NMT2: variants seen among roughly 807,000 people sequenced by gnomAD.
NMT2 encodes the protein N-myristoyltransferase 2, also known as glycylpeptide N-tetradecanoyltransferase 2.
A neutral mutation model predicts 65.4 loss-of-function variants in NMT2; 35 were observed. The observed-to-expected ratio is 0.54, with a 90% confidence interval of 0.41 to 0.71. NMT2 has a LOEUF of 0.71. Ranked by LOEUF, NMT2 falls within the 30% of genes least tolerant of loss-of-function variation. The pLI is 0.00. For synonymous variants in NMT2, 226 were observed against 231.8 expected, an observed-to-expected ratio of 0.98 and a Z score of 0.23; for missense variants, 489 against 611.3, an observed-to-expected ratio of 0.80 and a Z score of 2.11.
chr10:15,161,215 G>C (rs1833185808), intron 1 of NMT2, among the ~76,000 whole-genome samples: 1 of 151,740 alleles, frequency 6.6e-6, no homozygotes, highest in Non-Finnish European at 1.5e-5. Flanking sequence ...GCACACCCAG[G>C]CTATGTATTA....
intron 9 of NMT2, among the ~76,000 whole-genome samples, chr10:15,114,284 A>C (rs1278518526): frequency 6.6e-6 from 1 of 152,208 alleles, no homozygotes; most frequent in East Asian, 1.9e-4. Context: ...CATTTTCATC[A>C]TCTGCTTTCA....
chr10:15,142,310 C>A (rs761981484), intron 1 of NMT2, among the ~76,000 whole-genome samples: 3 of 152,186 alleles, frequency 2.0e-5, no homozygotes, highest in South Asian at 2.1e-4. Context: ...GTAATCCCAG[C>A]ACTTTGGGAG....
At chr10:15,112,170 G>GGC in intron 10 of NMT2, among the ~76,000 whole-genome samples, 1 of 73,990 alleles carries the variant, frequency 1.4e-5, no homozygotes, top group Non-Finnish European at 2.5e-5. Flanking sequence ...CTAAGATATG[G>GGC]GCTTTATATA....
chr10:15,134,249 C>T (rs893365202), intron 3 of NMT2, among the ~76,000 whole-genome samples: 1 of 152,158 alleles, frequency 6.6e-6, no homozygotes, highest in African/African-American at 2.4e-5. Context: ...AGCTTCCCAA[C>T]ATGGTAGGAC....
intron 2 of NMT2, chr10:15,139,830 A>G (rs902111838): frequency 5.0e-4 from 73 of 145,192 alleles, no homozygotes; most frequent in Non-Finnish European, 9.5e-4. Context: ...AGAAAAAAGG[A>G]AATCCACAAA....
rs1845318199 is a variant in NMT2 at position 15,106,796 on chromosome 10, A to G, written c.*2399T>C. ...TTTGTAGTGTGAAGCAGCCATAGGC[A>G]ATATGTAAATGAAAGTGGCTGTGGC... On this transcript the variant is annotated 3_prime_UTR_variant, in exon 12 of 12. Transcript: ENST00000378165. 4 of 286,100 alleles carry G rather than the reference A, an allele frequency of 1.4e-5. No individual in the cohort carries two copies. The highest frequency in any genetic ancestry group is 2.1e-5 in the Non-Finnish European group (4 of 190,834). The allele number at this position is 286,100 out of a possible 1,614,324, so 17.7% of individuals were successfully genotyped here.
chr10:15,133,383 G>GA lies in NMT2; in HGVS notation c.392-21dup. On this transcript the variant is annotated intron_variant, in intron 3 of 11. Transcript: ENST00000378165. ...CTTCATCTGAACAGGGAGAGAAAGA[G>GA]AAAAAAGAAAGGCAAAAAGCGAGAA... 1 of 1,560,332 alleles carries GA rather than the reference G, an allele frequency of 6.4e-7. No individual in the cohort carries two copies. Among genetic ancestry groups the GA allele is most frequent in the Non-Finnish European group, 8.8e-7 (1 of 1,132,102 alleles).
In NMT2 at chr10:15,105,803, TAAGC is replaced by T. The variant is rs896115927; in HGVS notation, c.*3388_*3391del. Among the ~76,000 whole-genome samples the T allele has an allele frequency of 1.5e-4, 23 of 152,254 alleles. No homozygotes were observed. Among genetic ancestry groups the T allele is most frequent in the Admixed American group, 7.9e-4 (12 of 15,278 alleles). On this transcript the variant is annotated 3_prime_UTR_variant, in exon 12 of 12. Coordinates refer to ENST00000378165, the MANE Select transcript of NMT2 (RefSeq NM_004808.3). Reference sequence around the variant, plus strand: ...CAATTTAGTTTTAATAGCTACTTCATAAGCAAGCAGTTTAATTCTCGAAAATGTT... The same window carrying T: ...CAATTTAGTTTTAATAGCTACTTCATAAGCAGTTTAATTCTCGAAAATGTT...
At chr10:15,110,934 G>T (rs1424042023) in intron 10 of NMT2, among the ~76,000 whole-genome samples, 1 of 152,012 alleles carries the variant, frequency 6.6e-6, no homozygotes, top group East Asian at 1.9e-4. Context: ...GGCATTACAG[G>T]TGTGCACCTC....
At chr10:15,146,851 G>C (rs1385134846) in intron 1 of NMT2, among the ~76,000 whole-genome samples, 1 of 152,034 alleles carries the variant, frequency 6.6e-6, no homozygotes, top group Admixed American at 6.6e-5. Flanking sequence ...CCAGCACTTT[G>C]GGAGGCCAAA....
intron 8 of NMT2, among the ~76,000 whole-genome samples, chr10:15,121,410 C>T (rs1845926641): frequency 6.6e-6 from 1 of 152,198 alleles, no homozygotes; most frequent in African/African-American, 2.4e-5. Context: ...TCTTGTCACC[C>T]AGGCTGGAGT....
rs1227275415 is a variant in NMT2 at position 15,130,225 on chromosome 10, G to A, written c.807C>T (p.Ile269=). 1.2e-6 allele frequency: 2 copies of A among 1,609,456 alleles called. No homozygotes were observed. The highest frequency in any genetic ancestry group is 2.2e-5 in the East Asian group (1 of 44,756). ...TCCCTTCCAGGTTCACTCTTCTAGTGATCTCTCGGATTAGCACTGGGGCTA... is the reference window on the plus strand; with the variant it reads ...TCCCTTCCAGGTTCACTCTTCTAGTAATCTCTCGGATTAGCACTGGGGCTA... ...KRVAPVLIRE[I]TRRVNLEGIF... The change falls in exon 7 of 12, where the codon ATC becomes ATT. Residue 269 remains isoleucine, a synonymous_variant. Transcript: ENST00000378165.
intron 1 of NMT2, among the ~76,000 whole-genome samples, chr10:15,151,394 T>C (rs1045295493): frequency 1.3e-5 from 2 of 152,142 alleles, no homozygotes; most frequent in African/African-American, 4.8e-5. Flanking sequence ...AATTTTGGTG[T>C]CTACATCACA....
At chr10:15,158,573 C>T (rs774576370) in intron 1 of NMT2, among the ~76,000 whole-genome samples, 1 of 152,172 alleles carries the variant, frequency 6.6e-6, no homozygotes, top group African/African-American at 2.4e-5. Context: ...GTTACAAACA[C>T]ATGCAAGGTA....
intron 2 of NMT2, among the ~76,000 whole-genome samples, chr10:15,136,443 CAG>C (rs1405019685): frequency 7.9e-5 from 8 of 100,698 alleles, no homozygotes; most frequent in Non-Finnish European, 1.3e-4. Context: ...AGGAGAGGGA[CAG>C]GGGGAGGAGG....
intron 1 of NMT2, among the ~76,000 whole-genome samples, chr10:15,146,982 A>G (rs1051860026): frequency 6.6e-6 from 1 of 151,706 alleles, no homozygotes; most frequent in Non-Finnish European, 1.5e-5. Flanking sequence ...AGTCCCAGCT[A>G]CCTGGGAGGC....
In NMT2 at chr10:15,133,482, G is replaced by A. The variant is rs548175321; in HGVS notation, c.392-119C>T. ...GCAAAATCTGACTTAGGGCCCTCGG[G>A]TTTCAGATAATCTTTAAAAAGATGC... On this transcript the variant is annotated intron_variant, in intron 3 of 11. Coordinates refer to ENST00000378165, the MANE Select transcript of NMT2 (RefSeq NM_004808.3). 2.1e-5 allele frequency: 15 copies of A among 722,806 alleles called. No homozygotes were observed. The East Asian group carries it at 3.5e-4, about 17-fold the overall frequency. 44.8% of individuals were successfully genotyped at this position (722,806 alleles called of 1,614,324 possible).
Position 15,107,081 on chromosome 10 carries a change from C to T in NMT2, c.*2114G>A, listed in dbSNP as rs188239326. 3.2e-4 allele frequency among the ~76,000 whole-genome samples: 48 copies of T among 147,832 alleles called. No homozygotes were observed. The highest frequency in any genetic ancestry group is 1.9e-3 in the Admixed American group (28 of 14,580). ...TGTTGACTGTGCCACTGTATTCTAG[C>T]CTGGACAATAGAGTGAGACCCTGTC... is the stretch of plus-strand genomic sequence containing the variant. On this transcript the variant is annotated 3_prime_UTR_variant, in exon 12 of 12. Transcript: ENST00000378165.
intron 1 of NMT2, among the ~76,000 whole-genome samples, chr10:15,149,604 T>A (rs57446998): frequency 0.33 from 47,112 of 144,166 alleles, 8,533 homozygotes; most frequent in African/African-American, 0.53. Context: ...ACCATCACCA[T>A]CATAATCATC....
Sources: allele counts gnomAD v4.1 joint callset (sites outside exome capture counted in the v4.1 genomes callset), GRCh38; gene constraint gnomAD v4.1.1; transcripts MANE v1.5; gene names NCBI Gene and HGNC (gene_info 2026-07-23, HGNC 2026-07-21).